Variants in ERBB4 observed in about 807,000 individuals in gnomAD.
The protein encoded by ERBB4 is erb-b2 receptor tyrosine kinase 4, also known as receptor tyrosine-protein kinase erbB-4.
Under a neutral mutation model 158.0 loss-of-function variants are expected in ERBB4, and 42 were observed. That is an observed-to-expected ratio of 0.27 (90% CI 0.21 to 0.34). The LOEUF is 0.34. Among genes scored for constraint, ERBB4 ranks in the 10% least tolerant of loss-of-function variants. ERBB4 has a pLI of 1.00. For missense variants in ERBB4, 1,333 were observed against 1,624.1 expected (o/e 0.82, Z 3.08); for synonymous variants, 583 against 558.7 (o/e 1.04, Z -0.61).
At chr2:211,809,993 T>C (rs1194791205) in intron 3 of ERBB4, among the ~76,000 whole-genome samples, 1 of 152,174 alleles carries the variant, frequency 6.6e-6, no homozygotes, top group Non-Finnish European at 1.5e-5. Flanking sequence ...CATGTAGTTG[T>C]GCTGTTTTGA....
chr2:212,063,611 T>A (rs770638035), intron 2 of ERBB4, among the ~76,000 whole-genome samples: 7 of 151,104 alleles, frequency 4.6e-5, no homozygotes, highest in African/African-American at 1.7e-4. Context: ...CCAGCAACCA[T>A]AGGGAAAAAA....
intron 4 of ERBB4, among the ~76,000 whole-genome samples, chr2:211,758,260 C>T (rs1457859993): frequency 6.6e-6 from 1 of 152,196 alleles, no homozygotes; most frequent in African/African-American, 2.4e-5. Context: ...ATATTCTATG[C>T]TCCTTCCAAC....
At chr2:211,997,876 T>C (rs2125271660) in intron 2 of ERBB4, among the ~76,000 whole-genome samples, 1 of 141,118 alleles carries the variant, frequency 7.1e-6, no homozygotes, top group East Asian at 2.0e-4. Context: ...ATATAGCCTA[T>C]CAATCATGAG....
chr2:211,710,813 CT>C (rs895478309), intron 9 of ERBB4, among the ~76,000 whole-genome samples: 21 of 152,030 alleles, frequency 1.4e-4, no homozygotes, highest in Non-Finnish European at 1.5e-5. Context: ...TGCTTTTCTC[CT>C]CCTTGGCCTT....
At chr2:211,463,885 C>A (rs2125508089) in intron 20 of ERBB4, among the ~76,000 whole-genome samples, 1 of 152,244 alleles carries the variant, frequency 6.6e-6, no homozygotes, top group Non-Finnish European at 1.5e-5. Context: ...CCCTCCCCAT[C>A]ACTCACGTTG....
intron 2 of ERBB4, among the ~76,000 whole-genome samples, chr2:212,036,744 G>A (rs548677986): frequency 6.6e-6 from 1 of 152,222 alleles, no homozygotes; most frequent in Non-Finnish European, 1.5e-5. Flanking sequence ...GATTACAGGC[G>A]TGAGCCACCG....
At chr2:211,910,960 C>T (rs1313172320) in intron 3 of ERBB4, among the ~76,000 whole-genome samples, 1 of 152,148 alleles carries the variant, frequency 6.6e-6, no homozygotes, top group Admixed American at 6.5e-5. Flanking sequence ...CAGAACAGTG[C>T]TAACCATTTC....
intron 4 of ERBB4, among the ~76,000 whole-genome samples, chr2:211,785,908 T>C (rs575625800): frequency 1.1e-4 from 16 of 152,304 alleles, no homozygotes; most frequent in African/African-American, 3.6e-4. Context: ...AAAGTATTTG[T>C]TTTGTGCTCA....
intron 17 of ERBB4, among the ~76,000 whole-genome samples, chr2:211,624,762 C>G (rs1295845628): frequency 1.3e-5 from 2 of 152,106 alleles, no homozygotes; most frequent in Non-Finnish European, 2.9e-5. Context: ...AAAATCAAGT[C>G]TTGAGATGTC....
At chr2:211,697,612 A>T (rs2073072420) in intron 12 of ERBB4, among the ~76,000 whole-genome samples, 1 of 152,312 alleles carries the variant, frequency 6.6e-6, no homozygotes, top group South Asian at 2.1e-4. Flanking sequence ...AAAATGAAAA[A>T]AGTTCACATA....
At chr2:211,476,031 C>T (rs1574563846) in intron 20 of ERBB4, among the ~76,000 whole-genome samples, 1 of 152,116 alleles carries the variant, frequency 6.6e-6, no homozygotes, top group Non-Finnish European at 1.5e-5. Context: ...CATAAAAAGA[C>T]AGAAAGTCTA....
intron 3 of ERBB4, among the ~76,000 whole-genome samples, chr2:211,884,178 G>T (rs908966411): frequency 7.9e-5 from 12 of 152,122 alleles, no homozygotes; most frequent in African/African-American, 2.9e-4. Context: ...CTGGATACAT[G>T]ATTCCTGTTA....
chr2:211,513,341 G>C (rs1043726163), intron 20 of ERBB4, among the ~76,000 whole-genome samples: 4 of 120,416 alleles, frequency 3.3e-5, no homozygotes, highest in East Asian at 2.7e-4. Context: ...CTGGGCGACA[G>C]AGCGAGACTC....
At chr2:211,616,996 T>C (rs1559351973) in intron 19 of ERBB4, among the ~76,000 whole-genome samples, 1 of 152,082 alleles carries the variant, frequency 6.6e-6, no homozygotes, top group Non-Finnish European at 1.5e-5. Context: ...GACTTCAAGC[T>C]GCCATCTCCA....
intron 2 of ERBB4, chr2:211,960,837 G>A (rs2081162643): frequency 6.6e-6 from 1 of 152,056 alleles, no homozygotes; most frequent in Non-Finnish European, 1.5e-5. Context: ...TCATATTGGG[G>A]ATTAGATATC....
intron 1 of ERBB4, among the ~76,000 whole-genome samples, chr2:212,261,803 G>C (rs1012183434): frequency 6.6e-6 from 1 of 151,956 alleles, no homozygotes; most frequent in Non-Finnish European, 1.5e-5. Context: ...TATATATGTG[G>C]CATTTTTGTT....
intron 1 of ERBB4, among the ~76,000 whole-genome samples, chr2:212,459,887 T>C (rs961867620): frequency 2.0e-5 from 3 of 152,130 alleles, no homozygotes; most frequent in African/African-American, 7.2e-5. Flanking sequence ...GATACCCATA[T>C]GGAAAATAAT....
intron 1 of ERBB4, among the ~76,000 whole-genome samples, chr2:212,154,254 C>T (rs888030120): frequency 2.6e-5 from 4 of 152,046 alleles, no homozygotes; most frequent in African/African-American, 9.7e-5. Flanking sequence ...AAATGATTCA[C>T]ATGGCTTAAA....
chr2:212,420,705 T>C (rs749181043), intron 1 of ERBB4, among the ~76,000 whole-genome samples: 12 of 152,158 alleles, frequency 7.9e-5, no homozygotes, highest in Non-Finnish European at 1.5e-4. Flanking sequence ...GCCTTCCTAA[T>C]AAACCATCCT....
Sources: gnomAD v4.1 joint callset for allele counts (sites outside exome capture counted in the v4.1 genomes callset) on GRCh38, gnomAD v4.1.1 for gene constraint, MANE v1.5 for transcripts, NCBI Gene and HGNC (gene_info 2026-07-23, HGNC 2026-07-21) for gene names.